SORBS2: variants seen among roughly 807,000 people sequenced by gnomAD.
SORBS2 encodes sorbin and SH3 domain containing 2.
In SORBS2, 46 loss-of-function variants were observed where a neutral mutation model predicts 97.7. The ratio of observed to expected loss-of-function variants is 0.47; its 90% CI spans 0.37 to 0.60. The LOEUF (loss-of-function observed/expected upper bound fraction) is 0.60, where lower values mean the gene tolerates loss of function less well. Ranked by LOEUF, SORBS2 falls within the 20% of genes least tolerant of loss-of-function variation. The pLI is 0.00. For missense variants in SORBS2, 1,316 were observed against 1,282.3 expected (o/e 1.03, Z -0.40); for synonymous variants, 476 against 473.4 (o/e 1.01, Z -0.07).
chr4:185,954,756 G>C (rs183286854), intron 1 of SORBS2, among the ~76,000 whole-genome samples: 1 of 152,058 alleles, frequency 6.6e-6, no homozygotes, highest in South Asian at 2.1e-4. Flanking sequence ...TCAGGAGTTC[G>C]AGACAAGACT....
intron 1 of SORBS2, among the ~76,000 whole-genome samples, chr4:185,864,179 T>C (rs1443702871): frequency 6.6e-6 from 1 of 152,208 alleles, no homozygotes; most frequent in East Asian, 1.9e-4. Flanking sequence ...CTCATTATAC[T>C]ATAAAAAGCC....
chr4:185,842,388 G>A (rs1335844452), intron 1 of SORBS2, among the ~76,000 whole-genome samples: 2 of 152,198 alleles, frequency 1.3e-5, no homozygotes, highest in African/African-American at 2.4e-5. Flanking sequence ...CAGAAGATGA[G>A]ACCTGAGAGT....
chr4:185,616,803 C>T (rs2096635010), intron 9 of SORBS2, among the ~76,000 whole-genome samples: 2 of 152,128 alleles, frequency 1.3e-5, no homozygotes, highest in South Asian at 4.1e-4. Flanking sequence ...GGCTGGAGTG[C>T]AGTGGTGTGA....
intron 9 of SORBS2, among the ~76,000 whole-genome samples, chr4:185,616,086 C>T (rs1231108878): frequency 6.6e-6 from 1 of 152,182 alleles, no homozygotes; most frequent in Non-Finnish European, 1.5e-5. Context: ...CTCCCAAGAG[C>T]CTCATTTTGC....
intron 1 of SORBS2, among the ~76,000 whole-genome samples, chr4:185,776,068 C>T (rs1281787056): frequency 6.6e-6 from 1 of 152,092 alleles, no homozygotes; most frequent in Non-Finnish European, 1.5e-5. Context: ...AAACTTTGAG[C>T]CTTCATTTTG....
At chr4:185,885,796 A>G (rs566101607) in intron 1 of SORBS2, among the ~76,000 whole-genome samples, 2 of 152,354 alleles carry the variant, frequency 1.3e-5, no homozygotes, top group South Asian at 2.1e-4. Context: ...TGCTTCACAC[A>G]CGCCCACTCC....
At position 185,916,482 on chromosome 4, in the gene SORBS2, T is replaced by C. The variant is rs76561290; in HGVS notation, c.-338+39714A>G. ...GCATAGTGAGCCAATTCATTACTAA[T>C]GATTATCACAGAATCGATCACATTA... On this transcript the variant is annotated intron_variant, in intron 1 of 20. Transcript: ENST00000284776. Among the ~76,000 whole-genome samples, 1,287 of 152,330 alleles carry C rather than the reference T, an allele frequency of 8.4e-3. 51 individuals carry two copies. The highest frequency in any genetic ancestry group is 0.057 in the Admixed American group (874 of 15,302).
At chr4:185,642,986 C>T (rs911609932) in intron 4 of SORBS2, among the ~76,000 whole-genome samples, 2 of 152,266 alleles carry the variant, frequency 1.3e-5, no homozygotes, top group Non-Finnish European at 2.9e-5. Context: ...ACCTGTGTTC[C>T]TTCATTCACT....
chr4:185,859,382 C>T (rs1217489126), intron 1 of SORBS2, among the ~76,000 whole-genome samples: 1 of 152,176 alleles, frequency 6.6e-6, no homozygotes, highest in Non-Finnish European at 1.5e-5. Flanking sequence ...CTGCCTCTCT[C>T]TTATCTCTTA....
chr4:185,720,027 T>A (rs936717267), intron 2 of SORBS2, among the ~76,000 whole-genome samples: 1 of 152,234 alleles, frequency 6.6e-6, no homozygotes, highest in Non-Finnish European at 1.5e-5. Context: ...AGAGGTGCCC[T>A]CTTTGCTTTT....
At chr4:185,645,666 C>G (rs2097195846) in intron 4 of SORBS2, 2 of 152,166 alleles carry the variant, frequency 1.3e-5, no homozygotes, top group Non-Finnish European at 2.9e-5. Context: ...CTTGGAGACT[C>G]TTGAAGGAGC....
chr4:185,665,873 C>T (rs1318285002), intron 4 of SORBS2: 14 of 1,180,946 alleles, frequency 1.2e-5, no homozygotes, highest in Non-Finnish European at 1.4e-5. Context: ...GTGGAGGACT[C>T]ACTCTCCGAG....
At chr4:185,643,375 A>T (rs1380008410) in intron 4 of SORBS2, among the ~76,000 whole-genome samples, 2 of 152,148 alleles carry the variant, frequency 1.3e-5, no homozygotes, top group African/African-American at 2.4e-5. Context: ...GGGAGGAGAG[A>T]TGAGGCTGGA....
At chr4:185,800,814 G>T (rs985693050) in intron 1 of SORBS2, among the ~76,000 whole-genome samples, 1 of 152,144 alleles carries the variant, frequency 6.6e-6, no homozygotes, top group African/African-American at 2.4e-5. Flanking sequence ...GACATTTAAG[G>T]TGAACCACGG....
intron 1 of SORBS2, among the ~76,000 whole-genome samples, chr4:185,832,909 T>G (rs2099205870): frequency 6.6e-6 from 1 of 152,168 alleles, no homozygotes. Context: ...AATTCAGGGG[T>G]AATGCTGAGG....
intron 1 of SORBS2, among the ~76,000 whole-genome samples, chr4:185,955,058 G>A (rs1161172063): frequency 6.6e-6 from 1 of 152,074 alleles, no homozygotes; most frequent in Non-Finnish European, 1.5e-5. Context: ...ACTACACAAA[G>A]CATCTGCATG....
At chr4:185,811,557 ATGTT>A (rs1299462702) in intron 1 of SORBS2, 103 bp downstream of exon 1, 4 of 152,170 alleles carry the variant, frequency 2.6e-5, no homozygotes, top group Non-Finnish European at 5.9e-5. Flanking sequence ...GTGTCTGTGT[ATGTT>A]TGTTTGGTAA....
intron 1 of SORBS2, chr4:185,656,547 G>T: frequency 8.3e-7 from 1 of 1,203,290 alleles, no homozygotes; most frequent in Non-Finnish European, 1.2e-6. Flanking sequence ...CCACACCCCA[G>T]CTTTACATGG....
Position 185,623,676 on chromosome 4 carries a change from T to C in SORBS2, c.1453A>G (p.Ile485Val), listed in dbSNP as rs372941563. The change falls in exon 7 of 15, where the codon ATT (isoleucine) becomes GTT (valine). Residue 485 changes from isoleucine (I) to valine (V), a missense_variant. Ile to Val is a conservative substitution (Grantham distance 29, BLOSUM62 3). Coordinates refer to ENST00000418609, the Ensembl canonical transcript of SORBS2. This position sits in a 1 kb window ranked among gnomAD's most constrained non-coding sequence, Gnocchi z 6.4. ...GGCTGCTCATCGCTGGTGACTTCAA[T>C]GTGAATGGGCACCAGGGCGTTAGAC... The C allele has an allele frequency of 1.2e-6, 2 of 1,613,912 alleles. No individual in the cohort carries two copies. Among genetic ancestry groups the C allele is most frequent in the African/African-American group, 1.3e-5 (1 of 74,918 alleles).
Sources: gnomAD v4.1 joint callset for allele counts (sites outside exome capture counted in the v4.1 genomes callset) on GRCh38, gnomAD v4.1.1 for gene constraint, Gnocchi (gnomAD v3.1) non-coding constraint, MANE v1.5 for transcripts, NCBI Gene and HGNC (gene_info 2026-07-23, HGNC 2026-07-21) for gene names.